The following DGKB variants were observed in gnomAD, a reference collection of about 807,000 sequenced individuals.
DGKB encodes the protein 90 kDa diacylglycerol kinase.
DGKB carries 67 observed loss-of-function variants against 114.3 expected under a neutral mutation model. The ratio of observed to expected loss-of-function variants is 0.59; its 90% CI spans 0.48 to 0.72. The LOEUF (loss-of-function observed/expected upper bound fraction) is 0.72, where lower values mean the gene tolerates loss of function less well. Among genes scored for constraint, DGKB ranks in the 30% least tolerant of loss-of-function variants. DGKB has a pLI of 0.00. For missense variants in DGKB, 907 were observed against 975.2 expected, an observed-to-expected ratio of 0.93 and a Z score of 0.93; for synonymous variants, 398 against 323.1, an observed-to-expected ratio of 1.23 and a Z score of -2.49.
At chr7:14,532,364 G>C (rs1343652763) in intron 20 of DGKB, among the ~76,000 whole-genome samples, 1 of 151,020 alleles carries the variant, frequency 6.6e-6, no homozygotes, top group Non-Finnish European at 1.5e-5. Flanking sequence ...TACAAAACAA[G>C]ATCTAACTAT....
At chr7:14,462,811 T>G (rs1407074869) in intron 21 of DGKB, among the ~76,000 whole-genome samples, 1 of 152,130 alleles carries the variant, frequency 6.6e-6, no homozygotes, top group Non-Finnish European at 1.5e-5. Flanking sequence ...AGAACAAAGC[T>G]GGAGGCATCA....
At chr7:14,959,380 T>G (rs555637405) in intron 1 of DGKB, among the ~76,000 whole-genome samples, 2 of 100,306 alleles carry the variant, frequency 2.0e-5, no homozygotes, top group African/African-American at 4.4e-5. Flanking sequence ...GAAATAGAGT[T>G]TTTTTTTTTT....
intron 21 of DGKB, among the ~76,000 whole-genome samples, chr7:14,346,163 T>C (rs950493498): frequency 9.2e-5 from 14 of 151,836 alleles, no homozygotes; most frequent in Non-Finnish European, 1.6e-4. Flanking sequence ...ATGTCTCTCA[T>C]ATCAAATTAA....
At chr7:14,386,144 G>T (rs1021097416) in intron 21 of DGKB, among the ~76,000 whole-genome samples, 1 of 152,188 alleles carries the variant, frequency 6.6e-6, no homozygotes, top group African/African-American at 2.4e-5. Context: ...GGGAAATGTT[G>T]CCTTGAGCTA....
At chr7:14,680,695 G>A (rs1476943087) in intron 12 of DGKB, among the ~76,000 whole-genome samples, 1 of 152,028 alleles carries the variant, frequency 6.6e-6, no homozygotes, top group African/African-American at 2.4e-5. Context: ...TAACTTTGAG[G>A]ACAGTGGTTC....
intron 21 of DGKB, among the ~76,000 whole-genome samples, chr7:14,345,850 T>C (rs1425930626): frequency 1.3e-5 from 2 of 151,586 alleles, no homozygotes; most frequent in Non-Finnish European, 3.0e-5. Context: ...TTAAAATAAT[T>C]TCAGTATTTA....
intron 1 of DGKB, among the ~76,000 whole-genome samples, chr7:14,879,676 T>A (rs1370040946): frequency 6.6e-6 from 1 of 152,190 alleles, no homozygotes; most frequent in Non-Finnish European, 1.5e-5. Flanking sequence ...ACATTCGTAG[T>A]AACAGTCCCT....
At chr7:14,871,254 G>T (rs1852409712) in intron 1 of DGKB, among the ~76,000 whole-genome samples, 1 of 151,996 alleles carries the variant, frequency 6.6e-6, no homozygotes, top group Admixed American at 6.6e-5. Flanking sequence ...TCTTTGTATT[G>T]AGAACACTTA....
At chr7:14,280,405 G>A (rs1207859444) in intron 23 of DGKB, among the ~76,000 whole-genome samples, 1 of 152,184 alleles carries the variant, frequency 6.6e-6, no homozygotes, top group East Asian at 1.9e-4. Context: ...GAAAGTGATG[G>A]GGAGAATGGA....
intron 21 of DGKB, among the ~76,000 whole-genome samples, chr7:14,458,569 C>A (rs1373763638): frequency 1.3e-5 from 2 of 152,128 alleles, no homozygotes; most frequent in African/African-American, 4.8e-5. Context: ...CAGGGTAGGG[C>A]GTTGCCTCAC....
intron 23 of DGKB, among the ~76,000 whole-genome samples, chr7:14,259,757 T>C (rs1044054069): frequency 3.3e-5 from 5 of 152,000 alleles, no homozygotes; most frequent in Non-Finnish European, 5.9e-5. Flanking sequence ...TTCATTGTCA[T>C]TGCGTTTGCC....
intron 20 of DGKB, among the ~76,000 whole-genome samples, chr7:14,544,739 T>C (rs1044778078): frequency 6.6e-6 from 1 of 152,214 alleles, no homozygotes; most frequent in Non-Finnish European, 1.5e-5. Context: ...TAATAAAAAC[T>C]TGACATGTTG....
chr7:14,267,328 TGAA>T (rs1797659356), intron 23 of DGKB, among the ~76,000 whole-genome samples: 1 of 152,120 alleles, frequency 6.6e-6, no homozygotes, highest in Admixed American at 6.5e-5. Flanking sequence ...TGAATCTACA[TGAA>T]GAAGAAGGTG....
chr7:14,894,971 CT>C (rs1781879790), intron 1 of DGKB, among the ~76,000 whole-genome samples: 1 of 151,558 alleles, frequency 6.6e-6, no homozygotes, highest in Non-Finnish European at 1.5e-5. Flanking sequence ...TAGAGCACCC[CT>C]CCTAGTGATC....
intron 23 of DGKB, among the ~76,000 whole-genome samples, chr7:14,319,404 T>G (rs143467376): frequency 6.6e-6 from 1 of 152,310 alleles, no homozygotes; most frequent in Non-Finnish European, 1.5e-5. Context: ...CCACTCTTCT[T>G]ACTAAATTTT....
intron 23 of DGKB, among the ~76,000 whole-genome samples, chr7:14,260,105 CAT>C (rs1491504813): frequency 4.4e-4 from 15 of 34,392 alleles, no homozygotes; most frequent in Admixed American, 1.9e-3. Context: ...CACACACACA[CAT>C]GAACACACAC....
intron 23 of DGKB, among the ~76,000 whole-genome samples, chr7:14,226,011 A>T (rs969323864): frequency 6.6e-6 from 1 of 151,982 alleles, no homozygotes; most frequent in Non-Finnish European, 1.5e-5. Flanking sequence ...CCTAGTTTCC[A>T]AACTAGTTAG....
chr7:14,749,891 T>C (rs1288563780), intron 4 of DGKB, among the ~76,000 whole-genome samples: 2 of 152,216 alleles, frequency 1.3e-5, no homozygotes, highest in Admixed American at 1.3e-4. Context: ...GTTTTTATAA[T>C]GCACATATGA....
intron 15 of DGKB, among the ~76,000 whole-genome samples, chr7:14,617,158 C>A (rs990685586): frequency 6.6e-6 from 1 of 151,672 alleles, no homozygotes; most frequent in East Asian, 1.9e-4. Context: ...CTTTCACTCC[C>A]AAATTCATGT....
Sources: allele counts gnomAD v4.1 joint callset (sites outside exome capture counted in the v4.1 genomes callset), GRCh38; gene constraint gnomAD v4.1.1; transcripts MANE v1.5; gene names NCBI Gene and HGNC (gene_info 2026-07-23, HGNC 2026-07-21).